Variants in IRF2 observed in about 807,000 individuals in gnomAD.
IRF2 encodes interferon regulatory factor 2.
IRF2 carries 15 observed loss-of-function variants against 40.6 expected under a neutral mutation model. That is an observed-to-expected ratio of 0.37 (90% CI 0.25 to 0.57). The LOEUF (loss-of-function observed/expected upper bound fraction) is 0.57, where lower values mean the gene tolerates loss of function less well. Among genes scored for constraint, IRF2 ranks in the 20% least tolerant of loss-of-function variants. IRF2 has a pLI of 0.77. For missense variants in IRF2, 317 were observed against 455.7 expected, an observed-to-expected ratio of 0.70 and a Z score of 2.77; for synonymous variants, 151 against 165.5, an observed-to-expected ratio of 0.91 and a Z score of 0.67.
At chr4:184,401,571 T>C (rs1354666601) in intron 6 of IRF2, among the ~76,000 whole-genome samples, 2 of 152,178 alleles carry the variant, frequency 1.3e-5, no homozygotes, top group African/African-American at 4.8e-5. Flanking sequence ...GGACATCAAT[T>C]ATGCAGGTCA....
intron 3 of IRF2, among the ~76,000 whole-genome samples, chr4:184,419,083 A>G (rs981458302): frequency 6.6e-6 from 1 of 152,234 alleles, no homozygotes; most frequent in Non-Finnish European, 1.5e-5. Context: ...TGACGCTCCA[A>G]CAAAGTCCAT....
chr4:184,425,830 G>A (rs1056170382), intron 2 of IRF2, among the ~76,000 whole-genome samples: 20 of 152,172 alleles, frequency 1.3e-4, no homozygotes, highest in African/African-American at 4.8e-4. Flanking sequence ...TCCCAGAAAG[G>A]AAGTGACCCT....
chr4:184,414,711 T>A (rs750516702), intron 5 of IRF2, among the ~76,000 whole-genome samples: 1 of 152,248 alleles, frequency 6.6e-6, no homozygotes. Flanking sequence ...GGGGGACATA[T>A]AGCATGGAGA....
chr4:184,460,678 CAT>C (rs1182727513), intron 1 of IRF2, among the ~76,000 whole-genome samples: 11 of 111,950 alleles, frequency 9.8e-5, no homozygotes, highest in Non-Finnish European at 1.7e-4. Context: ...CACACACACA[CAT>C]GCACGCACAC....
chr4:184,443,711 T>C (rs1158728484), intron 1 of IRF2, among the ~76,000 whole-genome samples: 1 of 152,220 alleles, frequency 6.6e-6, no homozygotes, highest in Non-Finnish European at 1.5e-5. Flanking sequence ...TGATTTCTTT[T>C]CCTTTCAGTA....
intron 1 of IRF2, among the ~76,000 whole-genome samples, chr4:184,438,502 G>A (rs1285228185): frequency 6.6e-6 from 1 of 152,172 alleles, no homozygotes; most frequent in Non-Finnish European, 1.5e-5. Flanking sequence ...TGGTCCTGGG[G>A]TTGAAGGGGT....
rs76837069 is a variant in IRF2, at chr4:184,459,542, A to G, written c.-7+14837T>C. On this transcript the variant is annotated intron_variant, in intron 1 of 8. Transcript: ENST00000393593. ...GCTTCATCAGCTTCACAGCATCTCA[A>G]AATTCTAAAACAGAACTTTTTGCCA... Among the ~76,000 whole-genome samples the G allele has an allele frequency of 4.0e-3, 616 of 152,282 alleles. 6 individuals are homozygous for G. The highest frequency in any genetic ancestry group is 0.014 in the African/African-American group (585 of 41,550).
At chr4:184,417,943 CT>C (rs1737342986) in intron 5 of IRF2, among the ~76,000 whole-genome samples, 1 of 152,146 alleles carries the variant, frequency 6.6e-6, no homozygotes, top group Non-Finnish European at 1.5e-5. Context: ...GAATCTGTGA[CT>C]TCATTCATAA....
chr4:184,404,785 G>A (rs758045201), intron 6 of IRF2, among the ~76,000 whole-genome samples: 14 of 152,212 alleles, frequency 9.2e-5, no homozygotes, highest in Admixed American at 5.2e-4. Context: ...ATCTGTAGGT[G>A]CCTGGGCCAG....
chr4:184,467,078 C>T (rs1266533871), intron 1 of IRF2, among the ~76,000 whole-genome samples: 1 of 152,190 alleles, frequency 6.6e-6, no homozygotes, highest in African/African-American at 2.4e-5. Flanking sequence ...TTCATGTTTC[C>T]TGGTGGTATA....
At chr4:184,437,243 A>C (rs1449208337) in intron 1 of IRF2, among the ~76,000 whole-genome samples, 6 of 152,188 alleles carry the variant, frequency 3.9e-5, no homozygotes, top group Non-Finnish European at 8.8e-5. Flanking sequence ...TTTTTAGTCG[A>C]GACGGGGTTT....
intron 1 of IRF2, among the ~76,000 whole-genome samples, chr4:184,461,425 A>T (rs1004013987): frequency 6.6e-6 from 1 of 152,236 alleles, no homozygotes; most frequent in Non-Finnish European, 1.5e-5. Context: ...AAAGGGATTC[A>T]CAGATAAGTA....
At chr4:184,410,191 T>C (rs7685555) in intron 5 of IRF2, among the ~76,000 whole-genome samples, 67,748 of 152,054 alleles carry the variant, frequency 0.45, 16,066 homozygotes, top group South Asian at 0.62. Flanking sequence ...TCCTCACTGG[T>C]TGCAGCTCCT....
intron 1 of IRF2, among the ~76,000 whole-genome samples, chr4:184,431,302 T>C (rs1737868456): frequency 6.6e-6 from 1 of 152,250 alleles, no homozygotes; most frequent in African/African-American, 2.4e-5. Context: ...TCAAAGGTCA[T>C]GTATTGAGAA....
intron 1 of IRF2, among the ~76,000 whole-genome samples, chr4:184,460,685 G>A (rs200072174): frequency 0.012 from 1,321 of 109,638 alleles, 31 homozygotes; most frequent in African/African-American, 0.037. Flanking sequence ...ACACATGCAC[G>A]CACACACACA....
At chr4:184,451,478 C>G (rs1434349241) in intron 1 of IRF2, among the ~76,000 whole-genome samples, 1 of 152,088 alleles carries the variant, frequency 6.6e-6, no homozygotes. Flanking sequence ...CCCATGGGGT[C>G]GTTCTCATTA....
chr4:184,431,773 C>A (rs556747629), intron 1 of IRF2, among the ~76,000 whole-genome samples: 1 of 138,580 alleles, frequency 7.2e-6, no homozygotes, highest in Non-Finnish European at 1.6e-5. Context: ...TATGGAAACA[C>A]GAGAGGCGTG....
intron 1 of IRF2, among the ~76,000 whole-genome samples, chr4:184,432,515 T>C (rs960986595): frequency 6.6e-6 from 1 of 152,244 alleles, no homozygotes; most frequent in Admixed American, 6.5e-5. Flanking sequence ...GTATATTAGA[T>C]AAGCTTTGCT....
intron 1 of IRF2, among the ~76,000 whole-genome samples, chr4:184,467,410 C>T (rs1304883011): frequency 6.6e-6 from 1 of 152,216 alleles, no homozygotes; most frequent in African/African-American, 2.4e-5. Flanking sequence ...CATTGCTATC[C>T]TTTCACCCGA....
Sources: allele counts gnomAD v4.1 joint callset (sites outside exome capture counted in the v4.1 genomes callset), GRCh38; gene constraint gnomAD v4.1.1; transcripts MANE v1.5; gene names NCBI Gene and HGNC (gene_info 2026-07-23, HGNC 2026-07-21).